Variants in TRAF3IP2 observed in about 807,000 individuals in gnomAD.
The protein encoded by TRAF3IP2 is TRAF3 interacting protein 2.
A neutral mutation model predicts 57.9 loss-of-function variants in TRAF3IP2; 35 were observed. The observed-to-expected ratio is 0.60, with a 90% CI of 0.46 to 0.80. The LOEUF (loss-of-function observed/expected upper bound fraction) is 0.80. Ranked by LOEUF, TRAF3IP2 falls within the 30% of genes least tolerant of loss-of-function variation. The pLI, the probability that TRAF3IP2 is intolerant of heterozygous loss-of-function variation, is 0.00. For synonymous variants in TRAF3IP2, 251 were observed against 268.9 expected (o/e 0.93, Z 0.65); for missense variants, 556 against 706.4 (o/e 0.79, Z 2.41).
chr6:111,576,288 G>C (rs529307164), intron 3 of TRAF3IP2: 1 of 153,622 alleles, frequency 6.5e-6, no homozygotes, highest in Admixed American at 6.5e-5. Context: ...CATATAAATG[G>C]AAATCTGATT....
chr6:111,581,191 A>G (rs1419708050), intron 2 of TRAF3IP2, among the ~76,000 whole-genome samples: 1 of 152,262 alleles, frequency 6.6e-6, no homozygotes, highest in Non-Finnish European at 1.5e-5. Context: ...ACGCAAAAGA[A>G]TAGAACTAAA....
chr6:111,597,383 G>A lies in TRAF3IP2; in HGVS notation c.-8-5289C>T, dbSNP rs201822933. Among the ~76,000 whole-genome samples the A allele has an allele frequency of 2.6e-5, 4 of 152,158 alleles. No individual in the cohort carries two copies. In the East Asian group the frequency reaches 7.7e-4, roughly 29 times the overall value. ...TTGTGCCTCTGCAGAGCTCCACCTA[G>A]AACTGAAAAGGGTGGGGCACGCCTG... On this transcript the variant is annotated intron_variant, in intron 1 of 8. Transcript: ENST00000368761.
rs112636222 is a variant in TRAF3IP2, at chr6:111,604,242, G to T, written c.-9+1534C>A. Among the ~76,000 whole-genome samples, 1,249 of 152,174 alleles carry T rather than the reference G, an allele frequency of 8.2e-3. 4 individuals carry two copies. Among genetic ancestry groups the T allele is most frequent in the African/African-American group, 0.018 (740 of 41,520 alleles). ...CAATGACAATTTTTTTTTAAGTCACGGTCTGGAAAAAGTTAAGGATTCTGT... is the reference window on the plus strand; with the variant it reads ...CAATGACAATTTTTTTTTAAGTCACTGTCTGGAAAAAGTTAAGGATTCTGT... On this transcript the variant is annotated intron_variant, in intron 1 of 8. Transcript: ENST00000368761.
At chr6:111,581,445 G>T (rs140984876) in intron 2 of TRAF3IP2, among the ~76,000 whole-genome samples, 3 of 152,288 alleles carry the variant, frequency 2.0e-5, no homozygotes, top group African/African-American at 7.2e-5. Context: ...GGACAAGAAG[G>T]AAGGTGTTTT....
At chr6:111,598,169 A>AT (rs1796757149) in intron 1 of TRAF3IP2, 1 of 236,776 alleles carries the variant, frequency 4.2e-6, no homozygotes, top group Non-Finnish European at 8.5e-6. Context: ...GCCTCTGAGT[A>AT]TTTTTGTTTA....
At chr6:111,576,901 G>A (rs1242020859) in intron 3 of TRAF3IP2, 1 of 152,074 alleles carries the variant, frequency 6.6e-6, no homozygotes, top group Non-Finnish European at 1.5e-5. Context: ...AAATCTCTAT[G>A]TATATGCCCA....
At chr6:111,595,629 A>G (rs559829754) in intron 1 of TRAF3IP2, among the ~76,000 whole-genome samples, 2 of 152,194 alleles carry the variant, frequency 1.3e-5, no homozygotes, top group Admixed American at 6.5e-5. Context: ...GGAGTTCGAG[A>G]CCAGCCTGGC....
chr6:111,559,793 C>T (rs1285540588), intron 8 of TRAF3IP2, among the ~76,000 whole-genome samples: 2 of 152,236 alleles, frequency 1.3e-5, no homozygotes, highest in East Asian at 3.8e-4. Context: ...GTCAGTCTCC[C>T]AGACTACCTA....
intron 2 of TRAF3IP2, among the ~76,000 whole-genome samples, chr6:111,583,373 A>ATC: frequency 6.6e-6 from 1 of 152,374 alleles, no homozygotes; most frequent in South Asian, 2.1e-4. Flanking sequence ...CCTGTTAGGA[A>ATC]CCAGGCCACA....
At chr6:111,593,901 C>A (rs962884786) in intron 1 of TRAF3IP2, among the ~76,000 whole-genome samples, 4 of 152,100 alleles carry the variant, frequency 2.6e-5, no homozygotes, top group Non-Finnish European at 4.4e-5. Context: ...GAGGCTGAGG[C>A]GGGTGGATCA....
At chr6:111,576,931 T>TA (rs1294276257) in intron 3 of TRAF3IP2, 3 of 152,208 alleles carry the variant, frequency 2.0e-5, no homozygotes, top group African/African-American at 7.2e-5. Flanking sequence ...GATTGTTGCT[T>TA]ACGCTTTTCA....
At chr6:111,595,534 C>A (rs1028350534) in intron 1 of TRAF3IP2, among the ~76,000 whole-genome samples, 27 of 152,034 alleles carry the variant, frequency 1.8e-4, no homozygotes, top group Admixed American at 1.6e-3. Flanking sequence ...TCAAGAGGTA[C>A]CAAAGGGTAT....
Position 111,591,860 on chromosome 6 carries a change from A to G in TRAF3IP2, c.227T>C (p.Val76Ala). 1 of 1,614,236 alleles carries G rather than the reference A, an allele frequency of 6.2e-7. No individual in the cohort carries two copies. The highest frequency in any genetic ancestry group is 8.5e-7 in the Non-Finnish European group (1 of 1,180,042). Residue 76 changes from valine (V) to alanine (A), a missense_variant, in exon 2 of 9, where the codon GTA becomes GCA. Physicochemically the swap from Val to Ala is moderately conservative, Grantham distance 64. This residue lies in a region of TRAF3IP2 where 428 missense variants were observed against 498.7 expected (regional missense o/e 0.86). Transcript: ENST00000368761. This position sits in a 1 kb window ranked among gnomAD's most constrained non-coding sequence, Gnocchi z 4.9. ...GCGCAGGCAGGTGACCTGCCGGGATACAGGCCGCTGGTGATTTGCAAGTTT... is the reference window on the plus strand; with the variant it reads ...GCGCAGGCAGGTGACCTGCCGGGATGCAGGCCGCTGGTGATTTGCAAGTTT... ...TLKLANHQRP[V>A]SRQVTCLRTQ...
chr6:111,588,718 T>C (rs919770144), intron 2 of TRAF3IP2, among the ~76,000 whole-genome samples: 2 of 152,168 alleles, frequency 1.3e-5, no homozygotes, highest in Non-Finnish European at 2.9e-5. Context: ...TAAAAACATA[T>C]GTATGCAATG....
At chr6:111,570,248 G>A (rs757294780) in intron 5 of TRAF3IP2, among the ~76,000 whole-genome samples, 4 of 152,112 alleles carry the variant, frequency 2.6e-5, no homozygotes, top group South Asian at 2.1e-4. Flanking sequence ...AAATTTCTAC[G>A]CTTAAGCCAC....
intron 6 of TRAF3IP2, 127 bp from the exon 7 acceptor site, chr6:111,566,687 G>A: frequency 1.2e-6 from 1 of 833,804 alleles, no homozygotes; most frequent in South Asian, 1.4e-5. Context: ...CCCCCACTCA[G>A]GCAGACTCTT....
At chr6:111,605,260 G>A (rs1003172069) in intron 1 of TRAF3IP2, among the ~76,000 whole-genome samples, 1 of 152,212 alleles carries the variant, frequency 6.6e-6, no homozygotes, top group Non-Finnish European at 1.5e-5. Context: ...GCCGGGAGGC[G>A]GCTCACAGCC....
intron 2 of TRAF3IP2, among the ~76,000 whole-genome samples, chr6:111,590,458 ACT>A (rs1206054661): frequency 2.0e-5 from 3 of 152,162 alleles, no homozygotes; most frequent in African/African-American, 7.2e-5. Flanking sequence ...TGGTTGCATA[ACT>A]CTGTAAATAT....
In TRAF3IP2 at chr6:111,591,313, A is replaced by G. The variant is rs1323797658; in HGVS notation, c.774T>C (p.His258=). 6.6e-7 allele frequency: 1 copy of G among 1,516,152 alleles called. No homozygotes were observed. Among genetic ancestry groups the G allele is most frequent in the African/African-American group, 1.4e-5 (1 of 71,746 alleles). 93.9% of individuals were successfully genotyped at this position (1,516,152 alleles called of 1,614,324 possible). Residue 258 remains histidine (H), a synonymous_variant, in exon 2 of 9, where the codon CAT becomes CAC. Transcript: ENST00000368761. The surrounding 1 kb of genome is among the most constrained non-coding windows in gnomAD (Gnocchi z 4.9). ...AQMLPPNLSP[H]APWNYHYHCP... is the part of the protein sequence containing the mutation. ...AATGGTAATGATAGTTCCATGGAGC[A>G]TGTGGGGAAAGATTGGGAGGCAGCA...
Sources: gnomAD v4.1 joint callset for allele counts (sites outside exome capture counted in the v4.1 genomes callset) on GRCh38, gnomAD v4.1.1 for gene constraint, gnomAD v4.1.1 regional missense constraint, Gnocchi (gnomAD v3.1) non-coding constraint, MANE v1.5 for transcripts, NCBI Gene and HGNC (gene_info 2026-07-23, HGNC 2026-07-21) for gene names.